CDH18: variants seen among roughly 807,000 people sequenced by gnomAD.
CDH18 encodes the protein cadherin 18.
In CDH18, 31 loss-of-function variants were observed where a neutral mutation model predicts 67.9. The observed-to-expected ratio is 0.46, with a 90% CI of 0.34 to 0.62. The LOEUF (loss-of-function observed/expected upper bound fraction) is 0.62. CDH18 is among the 20% of genes least tolerant of loss of function. The pLI, the probability that CDH18 is intolerant of heterozygous loss-of-function variation, is 0.01. For missense variants in CDH18, 890 were observed against 975.5 expected (o/e 0.91, Z 1.17); for synonymous variants, 362 against 347.2 (o/e 1.04, Z -0.48).
At chr5:19,804,606 T>G (rs986963022) in intron 3 of CDH18, among the ~76,000 whole-genome samples, 1 of 152,174 alleles carries the variant, frequency 6.6e-6, no homozygotes, top group Non-Finnish European at 1.5e-5. Flanking sequence ...TTATTAAGCT[T>G]GTTTCAGATG....
intron 2 of CDH18, among the ~76,000 whole-genome samples, chr5:20,011,393 T>A (rs1404614727): frequency 6.6e-6 from 1 of 152,182 alleles, no homozygotes; most frequent in Non-Finnish European, 1.5e-5. Context: ...GATCATGTCA[T>A]CTGCAAACAG....
At chr5:19,966,085 C>T (rs1193010196) in intron 2 of CDH18, among the ~76,000 whole-genome samples, 2 of 152,114 alleles carry the variant, frequency 1.3e-5, no homozygotes, top group Non-Finnish European at 1.5e-5. Flanking sequence ...GTACTATACA[C>T]ACTACTTTGA....
chr5:20,272,198 C>A (rs1745487194), intron 1 of CDH18, among the ~76,000 whole-genome samples: 1 of 151,792 alleles, frequency 6.6e-6, no homozygotes, highest in South Asian at 2.1e-4. Context: ...GATCTGTAAA[C>A]CAAATCTGAA....
At chr5:19,989,080 A>G (rs1799823285), upstream of CDH18, among the ~76,000 whole-genome samples, 1 of 152,154 alleles carries the variant, frequency 6.6e-6, no homozygotes, top group South Asian at 2.1e-4. Flanking sequence ...GGCTGCATTC[A>G]AAATTGATCT....
At chr5:20,373,312 T>C (rs1337800886) in intron 1 of CDH18, among the ~76,000 whole-genome samples, 2 of 152,174 alleles carry the variant, frequency 1.3e-5, no homozygotes, top group Admixed American at 6.6e-5. Flanking sequence ...CTTAAGTCCC[T>C]AGATGCTTCA....
intron 2 of CDH18, among the ~76,000 whole-genome samples, chr5:19,931,836 G>A (rs1290345090): frequency 1.3e-5 from 2 of 151,374 alleles, no homozygotes; most frequent in African/African-American, 4.8e-5. Context: ...CTGTGCTTAG[G>A]TACCTGTTTA....
intron 2 of CDH18, among the ~76,000 whole-genome samples, chr5:20,061,512 G>C (rs1742483994): frequency 6.6e-6 from 1 of 152,026 alleles, no homozygotes; most frequent in South Asian, 2.1e-4. Flanking sequence ...TTTAAAGGTA[G>C]CCTTCTTAAA....
At chr5:20,541,887 A>C (rs964988408) in intron 1 of CDH18, among the ~76,000 whole-genome samples, 2 of 152,228 alleles carry the variant, frequency 1.3e-5, no homozygotes, top group African/African-American at 4.8e-5. Flanking sequence ...TAGGTTAAAC[A>C]TTCATTAGCT....
At chr5:20,304,495 A>C in intron 1 of CDH18, 1 of 1,592,216 alleles carries the variant, frequency 6.3e-7, no homozygotes, top group South Asian at 1.1e-5. Context: ...CCAATGGTTT[A>C]GTGCGAAATG....
intron 1 of CDH18, among the ~76,000 whole-genome samples, chr5:20,349,629 A>C (rs1047393765): frequency 1.3e-5 from 2 of 152,272 alleles, no homozygotes; most frequent in South Asian, 4.1e-4. Context: ...TATATCAAGC[A>C]CAGGGAATAC....
At chr5:19,994,855 TAGAG>T (rs1554078420) in intron 2 of CDH18, among the ~76,000 whole-genome samples, 36 of 67,584 alleles carry the variant, frequency 5.3e-4, no homozygotes, top group Non-Finnish European at 8.9e-4. Flanking sequence ...TATATATATA[TAGAG>T]AGAGAGAGAG....
chr5:19,844,377 G>A (rs1371735652), intron 2 of CDH18, among the ~76,000 whole-genome samples: 2 of 152,046 alleles, frequency 1.3e-5, no homozygotes, highest in African/African-American at 4.8e-5. Flanking sequence ...GATTTTATAA[G>A]GGGCTCTTTC....
chr5:20,516,186 T>C (rs7726227), intron 1 of CDH18, among the ~76,000 whole-genome samples: 5,230 of 152,118 alleles, frequency 0.034, 127 homozygotes, highest in Middle Eastern at 0.13. Flanking sequence ...TTTTTTCCTT[T>C]TGTAAAATAT....
intron 2 of CDH18, among the ~76,000 whole-genome samples, chr5:20,004,417 A>T (rs1336840362): frequency 1.3e-5 from 2 of 152,148 alleles, no homozygotes; most frequent in South Asian, 4.2e-4. Context: ...CATATACATA[A>T]TTCTTGCATT....
chr5:20,048,366 T>A (rs1741091847), intron 2 of CDH18, among the ~76,000 whole-genome samples: 1 of 151,548 alleles, frequency 6.6e-6, no homozygotes, highest in African/African-American at 2.4e-5. Context: ...TGAAAAAAAA[T>A]ATTTAGGAAG....
chr5:20,333,743 T>C (rs1739421095), intron 1 of CDH18, among the ~76,000 whole-genome samples: 1 of 152,140 alleles, frequency 6.6e-6, no homozygotes, highest in African/African-American at 2.4e-5. Flanking sequence ...CAGCAATTTG[T>C]ACACCTTGAC....
At chr5:19,825,090 C>T (rs553711393) in intron 3 of CDH18, among the ~76,000 whole-genome samples, 11 of 152,118 alleles carry the variant, frequency 7.2e-5, no homozygotes, top group African/African-American at 2.2e-4. Flanking sequence ...TGACCTCACC[C>T]GCTCCTGCCA....
chr5:20,355,666 A>C (rs1741551519), intron 1 of CDH18, among the ~76,000 whole-genome samples: 1 of 152,208 alleles, frequency 6.6e-6, no homozygotes, highest in African/African-American at 2.4e-5. Flanking sequence ...CCTCATGATA[A>C]ATTTTCTTAA....
chr5:20,352,812 A>T (rs754974477), intron 1 of CDH18, among the ~76,000 whole-genome samples: 6 of 151,960 alleles, frequency 3.9e-5, no homozygotes, highest in Non-Finnish European at 5.9e-5. Flanking sequence ...AAAATAAAAA[A>T]AAAATAACCT....
Sources: allele counts gnomAD v4.1 joint callset (sites outside exome capture counted in the v4.1 genomes callset), GRCh38; gene constraint gnomAD v4.1.1; transcripts MANE v1.5; gene names NCBI Gene and HGNC (gene_info 2026-07-23, HGNC 2026-07-21).